The following PNPLA7 variants were observed in gnomAD, a reference collection of about 807,000 sequenced individuals.
PNPLA7 encodes patatin-like phospholipase domain-containing protein 7.
PNPLA7 carries 153 observed loss-of-function variants against 161.7 expected under a neutral mutation model. That is an observed-to-expected ratio of 0.95 (90% CI 0.83 to 1.08). The LOEUF is 1.08. PNPLA7 is among the 50% of genes least tolerant of loss of function. The probability of loss-of-function intolerance (pLI) is 0.00; values close to 1 mark genes in which losing one functional copy is unlikely to be tolerated. For missense variants in PNPLA7, 1,739 were observed against 1,856.6 expected (o/e 0.94, Z 1.16); for synonymous variants, 809 against 782.1 (o/e 1.03, Z -0.57).
intron 1 of PNPLA7, among the ~76,000 whole-genome samples, chr9:137,548,996 C>T (rs1333475716): frequency 6.6e-6 from 1 of 152,228 alleles, no homozygotes; most frequent in African/African-American, 2.4e-5. Flanking sequence ...GTGAGTCCCT[C>T]AGCCCAGCAA....
In PNPLA7 at chr9:137,462,269, C is replaced by T. The variant is rs78453847; in HGVS notation, c.3555G>A (p.Glu1185=). ...LAYVCCVRQL[E]VVKSSDYCEY... ...CGCAGTAGTCACTGCTCTTCACCAC[C>T]TCCAGCTGCCGCACGCAACACACGT... is the stretch of plus-strand genomic sequence containing the variant. The change falls in exon 31 of 35, where the codon GAG becomes GAA. Residue 1185 remains glutamate, a synonymous_variant. Transcript: ENST00000406427. 28,370 of 1,611,932 alleles carry T rather than the reference C, an allele frequency of 0.018. 277 individuals carry two copies. Among genetic ancestry groups the T allele is most frequent in the Non-Finnish European group, 0.021 (24,284 of 1,179,282 alleles).
chr9:137,517,644 A>C (rs111162616), intron 11 of PNPLA7, among the ~76,000 whole-genome samples: 20 of 19,260 alleles, frequency 1.0e-3, no homozygotes, highest in Admixed American at 2.4e-3. Context: ...ACTCCATCCC[A>C]CACTCACTCA....
In PNPLA7 at chr9:137,543,818, G is replaced by C. The variant is rs1836344630; in HGVS notation, c.274-3C>G. 6.2e-7 allele frequency: 1 copy of C among 1,612,232 alleles called. No homozygotes were observed. Among genetic ancestry groups the C allele is most frequent in the African/African-American group, 1.3e-5 (1 of 74,990 alleles). The stretch of plus-strand genomic sequence containing the variant: ...AGGGTGTTGGGGAGTGTGGTCACCT[G>C]CAGAGCCAAGGGAGAGACCAGCCAC... On this transcript the variant is annotated splice_region_variant and splice_polypyrimidine_tract_variant and intron_variant, in intron 4 of 34. Transcript: ENST00000406427. This position sits in a 1 kb window ranked among gnomAD's most constrained non-coding sequence, Gnocchi z 6.9.
Position 137,467,200 on chromosome 9 carries a change from C to A in PNPLA7, c.3039+117G>T. On this transcript the variant is annotated intron_variant, in intron 26 of 34. Transcript: ENST00000406427. The surrounding 1 kb of genome is among the most constrained non-coding windows in gnomAD (Gnocchi z 5.1). ...GCACTGGGAGGCTTCAGGGGGTAGC[C>A]TCCTCGAGGGCAGGGCCCTGCAGAG... 7.3e-7 allele frequency: 1 copy of A among 1,376,898 alleles called. No homozygotes were observed. The highest frequency in any genetic ancestry group is 9.6e-7 in the Non-Finnish European group (1 of 1,038,158). The allele number at this position is 1,376,898 out of a possible 1,614,324, so 85.3% of individuals were successfully genotyped here.
At position 137,479,249 on chromosome 9, in the gene PNPLA7, G is replaced by A. The variant is rs768522289; in HGVS notation, c.2581-11C>T. The A allele has an allele frequency of 2.0e-6, 3 of 1,513,410 alleles. No homozygotes were observed. In the South Asian group the frequency reaches 3.7e-5, roughly 19 times the overall value. The allele number at this position is 1,513,410 out of a possible 1,614,324, so 93.7% of individuals were successfully genotyped here. A position where few individuals can be genotyped will look rare whatever the true frequency, so the allele number is the denominator to read the frequency against. ...CAGCATCCGCTCCAGCTGAAAGGCA[G>A]AGCCCACGTGTCTGCCAGCCGGGTG... On this transcript the variant is annotated splice_polypyrimidine_tract_variant and intron_variant, in intron 23 of 34. Transcript: ENST00000406427.
chr9:137,521,137 G>T (rs1487204967), intron 10 of PNPLA7, among the ~76,000 whole-genome samples: 1 of 152,172 alleles, frequency 6.6e-6, no homozygotes, highest in Non-Finnish European at 1.5e-5. Flanking sequence ...CATGGGATGG[G>T]CATGGGGAGG....
chr9:137,515,797 C>T (rs1228854531), intron 11 of PNPLA7, among the ~76,000 whole-genome samples: 1 of 107,266 alleles, frequency 9.3e-6, no homozygotes, highest in East Asian at 3.6e-4. Flanking sequence ...ATCCCCCTTC[C>T]CCCAAATCCC....
intron 4 of PNPLA7, among the ~76,000 whole-genome samples, chr9:137,544,497 C>T (rs959736447): frequency 5.9e-5 from 9 of 152,218 alleles, no homozygotes; most frequent in East Asian, 1.9e-4. Context: ...CGCCCTGTCC[C>T]GGCCGCCTAA....
rs947647515 is a variant in PNPLA7 at position 137,468,033 on chromosome 9, G to A, written c.2883-560C>T. Among the ~76,000 whole-genome samples the A allele has an allele frequency of 2.0e-5, 3 of 152,112 alleles. No individual in the cohort carries two copies. Among genetic ancestry groups the A allele is most frequent in the Non-Finnish European group, 4.4e-5 (3 of 68,020 alleles). On this transcript the variant is annotated intron_variant, in intron 25 of 34. Transcript: ENST00000406427. This position sits in a 1 kb window ranked among gnomAD's most constrained non-coding sequence, Gnocchi z 4.0. Reference sequence around the variant, plus strand: ...ATTGGCCTCTTCTACCCGGAAACACGGCTGCCTCCAGCAGGGCGTCTGAGA... The same window carrying A: ...ATTGGCCTCTTCTACCCGGAAACACAGCTGCCTCCAGCAGGGCGTCTGAGA...
Position 137,480,435 on chromosome 9 carries a change from G to A in PNPLA7, c.2457C>T (p.Asp819=). The A allele has an allele frequency of 1.2e-6, 2 of 1,612,878 alleles. No homozygotes were observed. Among genetic ancestry groups the A allele is most frequent in the Non-Finnish European group, 1.7e-6 (2 of 1,179,488 alleles). Residue 819 remains aspartate, a synonymous_variant, in exon 23 of 35, where the codon GAC becomes GAT. Coordinates refer to ENST00000406427, the MANE Select transcript of PNPLA7 (RefSeq NM_001098537.3). ...RLSSWLGQQE[D]THRIVLYQAD... ...CCTGGTAGAGCACGATCCTGTGGGT[G>A]TCCTCCTGCTGCCCCAGCCAGCTGG...
chr9:137,515,076 C>A (rs1287758566), intron 12 of PNPLA7, among the ~76,000 whole-genome samples: 1 of 151,336 alleles, frequency 6.6e-6, no homozygotes, highest in Admixed American at 6.6e-5. Context: ...GCAGGGAGGG[C>A]GGGAAGGGCC....
intron 8 of PNPLA7, among the ~76,000 whole-genome samples, chr9:137,529,711 G>A (rs1278590159): frequency 1.4e-5 from 2 of 147,020 alleles, no homozygotes; most frequent in Non-Finnish European, 3.0e-5. Context: ...AGGCTGGAGT[G>A]TAGTGGCACG....
chr9:137,498,167 T>C lies in PNPLA7; in HGVS notation c.1836A>G (p.Gln612=). The C allele has an allele frequency of 6.2e-7, 1 of 1,612,982 alleles. No individual in the cohort carries two copies. The highest frequency in any genetic ancestry group is 1.7e-4 in the Middle Eastern group (1 of 6,060). Residue 612 remains glutamine (Q), a synonymous_variant, in exon 17 of 35, where the codon CAA becomes CAG. Coordinates refer to ENST00000406427, the MANE Select transcript of PNPLA7 (RefSeq NM_001098537.3). ...CCACCCAGTCCAGGGCAAAGTCGAT[T>C]TGCCGCACGAAGGACGACATCCTCT... The part of the protein sequence containing the change: ...VVKRMSSFVR[Q]IDFALDWVEV...
chr9:137,508,474 G>A (rs1348434928), intron 12 of PNPLA7, among the ~76,000 whole-genome samples: 2 of 152,094 alleles, frequency 1.3e-5, no homozygotes, highest in African/African-American at 2.4e-5. Context: ...GGCTGAGGCA[G>A]GAGAATTGCT....
intron 10 of PNPLA7, among the ~76,000 whole-genome samples, chr9:137,521,044 C>T (rs979589669): frequency 6.0e-5 from 9 of 151,188 alleles, no homozygotes; most frequent in Admixed American, 1.3e-4. Flanking sequence ...GGAGGGGCAG[C>T]CTCTGCTGGA....
At chr9:137,489,700 T>C (rs961652694) in intron 20 of PNPLA7, among the ~76,000 whole-genome samples, 2 of 151,994 alleles carry the variant, frequency 1.3e-5, no homozygotes, top group East Asian at 1.9e-4. Flanking sequence ...CAAAACACGA[T>C]GACAGAACAT....
At chr9:137,498,587 G>A (rs775355079) in intron 16 of PNPLA7, among the ~76,000 whole-genome samples, 25 of 152,254 alleles carry the variant, frequency 1.6e-4, no homozygotes, top group East Asian at 7.7e-4. Flanking sequence ...CACTCGGGCC[G>A]TGGGTGTGGC....
chr9:137,518,515 C>A (rs1217706764), intron 11 of PNPLA7, among the ~76,000 whole-genome samples: 1 of 50,140 alleles, frequency 2.0e-5, no homozygotes, highest in Non-Finnish European at 4.3e-5. Flanking sequence ...CTCCATCCCC[C>A]GTCACTCACT....
In PNPLA7 at chr9:137,503,626, G is replaced by A. The variant is rs1197747879; in HGVS notation, c.1474-1899C>T. Among the ~76,000 whole-genome samples, 5 of 142,822 alleles carry A rather than the reference G, an allele frequency of 3.5e-5. No individual in the cohort carries two copies. In the East Asian group the frequency reaches 1.1e-3, roughly 31 times the overall value. The allele number at this position is 142,822 out of a possible 152,430, so 93.7% of individuals were successfully genotyped here. On this transcript the variant is annotated intron_variant, in intron 14 of 34. Coordinates refer to ENST00000406427, the MANE Select transcript of PNPLA7 (RefSeq NM_001098537.3). ...AGGAGGAAGAAGGAGGAGGGAGAAG[G>A]AGGAGGGAGAAGGAGAAGGGGGAGG...
Sources: gnomAD v4.1 joint callset for allele counts (sites outside exome capture counted in the v4.1 genomes callset) on GRCh38, gnomAD v4.1.1 for gene constraint, Gnocchi (gnomAD v3.1) non-coding constraint, MANE v1.5 for transcripts, NCBI Gene and HGNC (gene_info 2026-07-23, HGNC 2026-07-21) for gene names.